CDCA2: variants seen among roughly 807,000 people sequenced by gnomAD.
The protein encoded by CDCA2 is cell division cycle-associated protein 2.
In CDCA2, 44 loss-of-function variants were observed where a neutral mutation model predicts 67.0. That is an observed-to-expected ratio of 0.66 (90% CI 0.52 to 0.84). The LOEUF (loss-of-function observed/expected upper bound fraction) is 0.84. Among genes scored for constraint, CDCA2 ranks in the 40% least tolerant of loss-of-function variants. The pLI is 0.00. For synonymous variants in CDCA2, 447 were observed against 418.7 expected (o/e 1.07, Z -0.82); for missense variants, 1,253 against 1,203.2 (o/e 1.04, Z -0.61).
chr8:25,502,914 C>A (rs1176281518), intron 13 of CDCA2, among the ~76,000 whole-genome samples: 1 of 152,136 alleles, frequency 6.6e-6, no homozygotes, highest in Non-Finnish European at 1.5e-5. Flanking sequence ...TAGATGCTTA[C>A]AACTTTAAAT....
In CDCA2 at chr8:25,487,376, G is replaced by A. The variant is rs202192955; in HGVS notation, c.1533+42G>A. 305 of 1,294,296 alleles carry A rather than the reference G, an allele frequency of 2.4e-4. 1 individual carries two copies. The highest frequency in any genetic ancestry group is 3.2e-4 in the Non-Finnish European group (284 of 900,954). 80.2% of individuals were successfully genotyped at this position (1,294,296 alleles called of 1,614,324 possible). ...GGCACAACGTATTTGTTTTTAAATC[G>A]TGCAATATACTTTTCTGTTTTCATG... is the stretch of plus-strand genomic sequence containing the variant. On this transcript the variant is annotated intron_variant, in intron 12 of 14. Transcript: ENST00000330560.
chr8:25,506,448 ATG>A, intron 14 of CDCA2, 60 bp from the exon 15 acceptor site: 1 of 1,399,514 alleles, frequency 7.1e-7, no homozygotes, highest in Non-Finnish European at 9.5e-7. Context: ...TATTTAATAA[ATG>A]TAAAGTTCAT....
At chr8:25,483,772 T>C (rs115552702) in intron 9 of CDCA2, among the ~76,000 whole-genome samples, 194 bp from the exon 10 acceptor site, 499 of 152,336 alleles carry the variant, frequency 3.3e-3, no homozygotes, top group African/African-American at 0.012. Context: ...TCTGTTGCCA[T>C]ATTTTAATTG....
intron 1 of CDCA2, 92 bp from the exon 2 acceptor site, chr8:25,460,148 G>A: frequency 8.2e-7 from 1 of 1,213,704 alleles, no homozygotes; most frequent in South Asian, 1.2e-5. Context: ...AGTATGGACT[G>A]TATTACAATT....
intron 8 of CDCA2, among the ~76,000 whole-genome samples, chr8:25,481,587 G>T (rs1486110759): frequency 2.0e-5 from 3 of 152,212 alleles, no homozygotes; most frequent in Admixed American, 6.5e-5. Context: ...CTACTCGGGA[G>T]GCTGGGGCAG....
At chr8:25,463,460 G>A (rs1246139875) in intron 4 of CDCA2, among the ~76,000 whole-genome samples, 2 of 152,044 alleles carry the variant, frequency 1.3e-5, no homozygotes, top group African/African-American at 2.4e-5. Context: ...ACAGTTCTAC[G>A]GTGCTGCCAC....
chr8:25,468,192 T>C (rs1802997909), intron 5 of CDCA2, 25 bp from the exon 6 acceptor site: 1 of 1,418,750 alleles, frequency 7.0e-7, no homozygotes, highest in Non-Finnish European at 9.5e-7. Flanking sequence ...GCCTGTGTCG[T>C]TTTGTTTTTA....
At chr8:25,460,361 C>T (rs371381964) in intron 2 of CDCA2, 23 bp from the exon 3 acceptor site, 54 of 1,614,050 alleles carry the variant, frequency 3.3e-5, no homozygotes, top group Non-Finnish European at 4.1e-5. Flanking sequence ...GTCCTCACCC[C>T]TACAATATGT....
At chr8:25,485,083 G>A (rs994625571) in intron 10 of CDCA2, among the ~76,000 whole-genome samples, 2 of 141,464 alleles carry the variant, frequency 1.4e-5, no homozygotes, top group Non-Finnish European at 3.1e-5. Context: ...ACAGAAATAC[G>A]ATCATCTGAG....
chr8:25,489,014 A>G lies in CDCA2; in HGVS notation c.1671+325A>G, dbSNP rs576996075. On this transcript the variant is annotated intron_variant, in intron 13 of 14. Coordinates refer to ENST00000330560, the MANE Select transcript of CDCA2 (RefSeq NM_152562.4). ...ATTGGGAATCCTGATTTTTTTAGGCAGGGATGAGTGTGCCGCTTGCTACTT... is the reference window on the plus strand; with the variant it reads ...ATTGGGAATCCTGATTTTTTTAGGCGGGGATGAGTGTGCCGCTTGCTACTT... Among the ~76,000 whole-genome samples, 4 of 152,292 alleles carry G rather than the reference A, an allele frequency of 2.6e-5. No homozygotes were observed. In the East Asian group the frequency reaches 5.8e-4, roughly 22 times the overall value.
intron 13 of CDCA2, among the ~76,000 whole-genome samples, chr8:25,497,923 G>C (rs745993418): frequency 1.3e-5 from 2 of 152,088 alleles, no homozygotes; most frequent in Non-Finnish European, 2.9e-5. Context: ...GAGGAACATA[G>C]ACTCACCTAC....
intron 4 of CDCA2, among the ~76,000 whole-genome samples, chr8:25,463,344 G>T (rs1203979005): frequency 6.6e-6 from 1 of 152,058 alleles, no homozygotes; most frequent in Non-Finnish European, 1.5e-5. Flanking sequence ...ATACAATGGT[G>T]GTCTCATAAT....
At chr8:25,460,175 A>T (rs6987936) in intron 1 of CDCA2, 65 bp from the exon 2 acceptor site, 1,470,018 of 1,483,602 alleles carry the variant, frequency 0.99, 728,856 homozygotes, top group East Asian at 1. Flanking sequence ...TGAATAAGGT[A>T]CGTGATCGAA....
At chr8:25,502,382 T>C (rs1804514697) in intron 13 of CDCA2, among the ~76,000 whole-genome samples, 1 of 152,150 alleles carries the variant, frequency 6.6e-6, no homozygotes, top group South Asian at 2.1e-4. Flanking sequence ...TCTTGGTTGC[T>C]GATACGTTAC....
intron 5 of CDCA2, 56 bp from the exon 6 acceptor site, chr8:25,468,154 TATATATA>T (rs1802995541): frequency 2.1e-6 from 1 of 482,226 alleles, no homozygotes; most frequent in South Asian, 9.6e-5. Context: ...AGAAAAAAAA[TATATATA>T]ATATATATGA....
At position 25,505,683 on chromosome 8, in the gene CDCA2, T is replaced by G. The variant is rs563232480; in HGVS notation, c.1844-827T>G. Reference sequence around the variant, plus strand: ...TTGGCTCAACTTATGTTTTATACTTTTTTTAGTTTTTATTTTATTTAAAAC... The same window carrying G: ...TTGGCTCAACTTATGTTTTATACTTGTTTTAGTTTTTATTTTATTTAAAAC... On this transcript the variant is annotated intron_variant, in intron 14 of 14. Coordinates refer to ENST00000330560, the MANE Select transcript of CDCA2 (RefSeq NM_152562.4). 3.1e-4 allele frequency among the ~76,000 whole-genome samples: 47 copies of G among 152,336 alleles called. 1 individual carries two copies. Among genetic ancestry groups the G allele is most frequent in the African/African-American group, 1.1e-3 (47 of 41,584 alleles).
At chr8:25,489,738 C>T (rs796207365) in intron 13 of CDCA2, among the ~76,000 whole-genome samples, 5 of 152,186 alleles carry the variant, frequency 3.3e-5, no homozygotes. Flanking sequence ...TGTTTTCTGT[C>T]CCCCATTGTT....
chr8:25,487,249 C>G lies in CDCA2; in HGVS notation c.1448C>G (p.Thr483Ser). The part of the protein sequence containing the change: ...KSSISETLSG[T>S]DTFSSSNNHE... ...TAGCTTTTGTCTTGTTTATCAGGCA[C>G]TGATACCTTTAGTTCTTCAAATAAC... The change falls in exon 12 of 15, where the codon ACT (threonine) becomes AGT (serine). Residue 483 changes from threonine (T) to serine (S), a missense_variant. By Grantham distance (58) the Thr-to-Ser change is moderately conservative. Coordinates refer to ENST00000330560, the MANE Select transcript of CDCA2 (RefSeq NM_152562.4). The G allele has an allele frequency of 6.2e-7, 1 of 1,607,932 alleles. No individual in the cohort carries two copies. Among genetic ancestry groups the G allele is most frequent in the Non-Finnish European group, 8.5e-7 (1 of 1,175,076 alleles).
intron 14 of CDCA2, among the ~76,000 whole-genome samples, chr8:25,504,390 CA>C (rs1804595578): frequency 1.3e-5 from 2 of 151,836 alleles, no homozygotes; most frequent in East Asian, 3.9e-4. Flanking sequence ...CTCAGCCTCC[CA>C]AACTACTGAT....
Sources: gnomAD v4.1 joint callset for allele counts (sites outside exome capture counted in the v4.1 genomes callset) on GRCh38, gnomAD v4.1.1 for gene constraint, MANE v1.5 for transcripts, NCBI Gene and HGNC (gene_info 2026-07-23, HGNC 2026-07-21) for gene names.